NUP98: variants seen among roughly 807,000 people sequenced by gnomAD.
The protein encoded by NUP98 is nucleoporin 98 and 96 precursor, also known as nuclear pore complex protein Nup98-Nup96.
In NUP98, 26 loss-of-function variants were observed where a neutral mutation model predicts 191.9. That is an observed-to-expected ratio of 0.14 (90% CI 0.10 to 0.19). The LOEUF (loss-of-function observed/expected upper bound fraction) is 0.19, where lower values mean the gene tolerates loss of function less well. Ranked by LOEUF, NUP98 falls within the 10% of genes least tolerant of loss-of-function variation. NUP98 has a pLI of 1.00. For synonymous variants in NUP98, 808 were observed against 778.4 expected, an observed-to-expected ratio of 1.04 and a Z score of -0.63; for missense variants, 1,941 against 2,178.8, an observed-to-expected ratio of 0.89 and a Z score of 2.17.
chr11:3,742,062 A>C (rs994716953), intron 12 of NUP98, among the ~76,000 whole-genome samples: 10 of 152,248 alleles, frequency 6.6e-5, no homozygotes, highest in Non-Finnish European at 1.3e-4. Context: ...CTTGACGAGA[A>C]TATCTTGAAG....
At chr11:3,685,758 G>A (rs1051054917) in intron 29 of NUP98, among the ~76,000 whole-genome samples, 11 of 151,972 alleles carry the variant, frequency 7.2e-5, no homozygotes, top group Non-Finnish European at 1.3e-4. Context: ...TTATAATTTG[G>A]CACTTAATCA....
At chr11:3,724,651 G>A (rs1191393541) in intron 15 of NUP98, among the ~76,000 whole-genome samples, 1 of 151,398 alleles carries the variant, frequency 6.6e-6, no homozygotes, top group Non-Finnish European at 1.5e-5. Context: ...AAATTAATCA[G>A]GCATGGTGGC....
intron 23 of NUP98, 108 bp downstream of exon 23, chr11:3,702,354 CT>C (rs2078729982): frequency 3.4e-6 from 2 of 595,222 alleles, no homozygotes; most frequent in African/African-American, 2.6e-5. Context: ...CTCTCTCTCT[CT>C]CTCTCTCTCT....
chr11:3,740,314 C>T (rs74832862), intron 12 of NUP98, among the ~76,000 whole-genome samples: 14,030 of 151,992 alleles, frequency 0.092, 1,322 homozygotes, highest in African/African-American at 0.23. Flanking sequence ...AGTTCGTGAC[C>T]AGCCTAGCCA....
chr11:3,744,520 T>A lies in NUP98; in HGVS notation c.1397A>T (p.Gln466Leu). The change falls in exon 12 of 33, where the codon CAG becomes CTG. Residue 466 changes from glutamine (Q) to leucine (L), a missense_variant. Physicochemically the swap from Gln to Leu is moderately radical, Grantham distance 113. Transcript: ENST00000324932. ...TTATLGFGAP[Q>L]APVALTDPNA... The stretch of plus-strand genomic sequence containing the variant: ...TGACTGACACTTACCTACTGGGGCC[T>A]GGGGGGCTCCAAAGCCCAAAGTGGC... The A allele has an allele frequency of 6.2e-7, 1 of 1,611,978 alleles. No individual in the cohort carries two copies. The highest frequency in any genetic ancestry group is 8.5e-7 in the Non-Finnish European group (1 of 1,179,262).
Position 3,685,977 on chromosome 11 carries a change from A to T in NUP98, c.4672T>A (p.Ser1558Thr), listed in dbSNP as rs754415761. The change falls in exon 29 of 33, where the codon TCA becomes ACA. Residue 1558 changes from serine to threonine, a missense_variant. Physicochemically the swap from Ser to Thr is moderately conservative, Grantham distance 58 (BLOSUM62 1). Around this residue, in one of 6 missense-constraint regions of NUP98, gnomAD observed 1,030 missense variants for 1,115.8 expected, o/e 0.92. Transcript: ENST00000324932. ...GTTCAACGGCTTCTCACTCACCCTG[A>T]GTTGTCAATGTGCAGGAGGACAAAG... ...AIFVLLHIDN[S>T]GIREKAVREL... The T allele has an allele frequency of 6.2e-7, 1 of 1,613,540 alleles. No homozygotes were observed. The highest frequency in any genetic ancestry group is 8.5e-7 in the Non-Finnish European group (1 of 1,179,828).
At chr11:3,764,217 T>C (rs1259424704) in intron 8 of NUP98, among the ~76,000 whole-genome samples, 1 of 152,234 alleles carries the variant, frequency 6.6e-6, no homozygotes, top group South Asian at 2.1e-4. Context: ...TGGTCTTTGG[T>C]GACGGGCTTC....
chr11:3,724,304 G>A (rs2079526329), intron 15 of NUP98, among the ~76,000 whole-genome samples: 1 of 151,636 alleles, frequency 6.6e-6, no homozygotes, highest in Admixed American at 6.6e-5. Flanking sequence ...GCGTGGAGGT[G>A]CATGCCTGTA....
rs1448712539 is a variant in NUP98, at chr11:3,712,863, T to C, written c.2578-135A>G. Reference sequence around the variant, plus strand: ...ATATCTAAGTATTTAAAGCAAAATATATCACCTATCACACTTTTATCTAAG... The same window carrying C: ...ATATCTAAGTATTTAAAGCAAAATACATCACCTATCACACTTTTATCTAAG... On this transcript the variant is annotated intron_variant, in intron 19 of 32. Transcript: ENST00000324932. 1.2e-5 allele frequency: 9 copies of C among 781,626 alleles called. No individual in the cohort carries two copies. The African/African-American group carries it at 1.6e-4, about 14-fold the overall frequency. The allele number at this position is 781,626 out of a possible 1,614,324, so 48.4% of individuals were successfully genotyped here.
intron 8 of NUP98, among the ~76,000 whole-genome samples, chr11:3,768,058 A>T (rs1393744910): frequency 2.0e-5 from 3 of 152,166 alleles, no homozygotes; most frequent in Non-Finnish European, 4.4e-5. Context: ...AGGATAAGTG[A>T]TCGCCTCAAT....
At chr11:3,697,681 T>A (rs1159572068) in intron 25 of NUP98, among the ~76,000 whole-genome samples, 1 of 151,904 alleles carries the variant, frequency 6.6e-6, no homozygotes, top group Non-Finnish European at 1.5e-5. Context: ...CTGGGCATGG[T>A]GGCAGGCACC....
intron 10 of NUP98, 98 bp downstream of exon 10, chr11:3,760,441 A>T: frequency 6.5e-7 from 1 of 1,533,582 alleles, no homozygotes; most frequent in Non-Finnish European, 9.0e-7. Flanking sequence ...AACGTGTGGT[A>T]TAGTCAGTGT....
chr11:3,727,706 T>G (rs916244716), intron 14 of NUP98, among the ~76,000 whole-genome samples: 9 of 151,798 alleles, frequency 5.9e-5, no homozygotes, highest in African/African-American at 1.7e-4. Context: ...TACTATAAAG[T>G]AGGAACACGA....
intron 26 of NUP98, among the ~76,000 whole-genome samples, chr11:3,694,379 A>G (rs1341393949): frequency 2.0e-5 from 3 of 151,760 alleles, no homozygotes; most frequent in Non-Finnish European, 4.4e-5. Context: ...TCAAAAAACA[A>G]CAACAACAAC....
At chr11:3,683,497 C>T (rs550442506) in intron 29 of NUP98, 56 bp from the exon 30 acceptor site, 1 of 1,599,374 alleles carries the variant, frequency 6.3e-7, no homozygotes, top group East Asian at 2.2e-5. Context: ...AGAAGGCTGC[C>T]CCAGGCAGCT....
chr11:3,757,627 T>C (rs1021363345), intron 10 of NUP98, among the ~76,000 whole-genome samples: 1 of 151,098 alleles, frequency 6.6e-6, no homozygotes, highest in South Asian at 2.1e-4. Context: ...GGTAAAACCC[T>C]GTTTCTACTA....
intron 2 of NUP98, among the ~76,000 whole-genome samples, chr11:3,780,541 C>CAAAAAAAAAAAAAAAAAA (rs142060672): frequency 4.3e-4 from 32 of 74,776 alleles, no homozygotes; most frequent in Non-Finnish European, 5.5e-4. Flanking sequence ...GACTCCATCT[C>CAAAAAAAAAAAAAAAAAA]AAAAAAAAAA....
intron 11 of NUP98, among the ~76,000 whole-genome samples, chr11:3,749,232 C>T (rs191372867): frequency 0.011 from 1,733 of 151,824 alleles, 19 homozygotes; most frequent in Middle Eastern, 0.021. Context: ...GGCGTGAACC[C>T]GGGAAGCGGA....
intron 4 of NUP98, 55 bp from the exon 5 acceptor site, chr11:3,776,076 A>C (rs1345437877): frequency 3.6e-5 from 50 of 1,399,846 alleles, no homozygotes; most frequent in Non-Finnish European, 3.5e-5. Flanking sequence ...AAGAATGTAT[A>C]AGATGCATTG....
Sources: allele counts gnomAD v4.1 joint callset (sites outside exome capture counted in the v4.1 genomes callset), GRCh38; gene constraint gnomAD v4.1.1; regional missense constraint gnomAD v4.1.1; transcripts MANE v1.5; gene names NCBI Gene and HGNC (gene_info 2026-07-23, HGNC 2026-07-21).